The following ZFAT variants were observed in gnomAD, a reference collection of about 807,000 sequenced individuals.
ZFAT encodes the protein zinc finger and AT-hook domain containing, also known as zinc finger protein ZFAT.
A neutral mutation model predicts 117.7 loss-of-function variants in ZFAT; 64 were observed. The observed-to-expected ratio is 0.54, with a 90% confidence interval of 0.44 to 0.67. ZFAT has a LOEUF of 0.67. ZFAT is among the 30% of genes least tolerant of loss of function. ZFAT has a pLI of 0.00. For synonymous variants in ZFAT, 679 were observed against 615.0 expected, an observed-to-expected ratio of 1.10 and a Z score of -1.54; for missense variants, 1,433 against 1,584.5, an observed-to-expected ratio of 0.90 and a Z score of 1.62.
chr8:134,696,443 C>T lies in ZFAT; in HGVS notation c.19+16402G>A, dbSNP rs527802617. On this transcript the variant is annotated intron_variant, in intron 1 of 15. Coordinates refer to ENST00000377838, the MANE Select transcript of ZFAT (RefSeq NM_020863.4). ...TCGGGAGAATTACCTCGTAAACCTCCACCAAGGGCAGAGTAGGAGGGATGC... is the reference window on the plus strand; with the variant it reads ...TCGGGAGAATTACCTCGTAAACCTCTACCAAGGGCAGAGTAGGAGGGATGC... 3 of 985,624 alleles carry T rather than the reference C, an allele frequency of 3.0e-6. No homozygotes were observed. The African/African-American group carries it at 5.2e-5, about 17-fold the overall frequency. 61.1% of individuals were successfully genotyped at this position (985,624 alleles called of 1,614,324 possible).
At chr8:134,713,679 G>T (rs1363527787), upstream of ZFAT, among the ~76,000 whole-genome samples, 1 of 152,086 alleles carries the variant, frequency 6.6e-6, no homozygotes, top group African/African-American at 2.4e-5. Flanking sequence ...CACAGCCTTC[G>T]GCAGGCAGCT....
At chr8:134,705,961 G>T (rs1306282920) in intron 1 of ZFAT, among the ~76,000 whole-genome samples, 5 of 152,284 alleles carry the variant, frequency 3.3e-5, no homozygotes, top group African/African-American at 1.2e-4. Flanking sequence ...AATTAAGGGA[G>T]ATACCACTGC....
At chr8:134,777,088 C>T in the ZFAT span, among the ~76,000 whole-genome samples, 6 of 152,102 alleles carry the variant, frequency 3.9e-5, no homozygotes, top group South Asian at 2.1e-4. Context: ...AGTTCTGTAA[C>T]CTTGGGTAAA....
At chr8:134,766,208 A>G in the ZFAT span, 1 of 152,220 alleles carries the variant, frequency 6.6e-6, no homozygotes, top group Non-Finnish European at 1.5e-5. Context: ...ATCCTTTCTA[A>G]CATGACTGAA....
At chr8:134,718,560 A>G in the ZFAT span, among the ~76,000 whole-genome samples, 38 of 152,180 alleles carry the variant, frequency 2.5e-4, no homozygotes, top group African/African-American at 8.7e-4. Context: ...TAAATCAACT[A>G]TGAATAAGAG....
At chr8:134,825,258 G>A in the ZFAT span, among the ~76,000 whole-genome samples, 1 of 152,198 alleles carries the variant, frequency 6.6e-6, no homozygotes, top group African/African-American at 2.4e-5. Context: ...CCAGGGAAAA[G>A]GCATACAATG....
chr8:134,735,171 G>A, the ZFAT span, among the ~76,000 whole-genome samples: 1,782 of 152,240 alleles, frequency 0.012, 9 homozygotes, highest in Middle Eastern at 0.017. Flanking sequence ...AAAAATCTGG[G>A]TCCATGGATT....
intron 2 of ZFAT, among the ~76,000 whole-genome samples, chr8:134,657,351 A>ATTCT (rs1174109769): frequency 5.9e-5 from 9 of 152,202 alleles, no homozygotes; most frequent in African/African-American, 2.2e-4. Flanking sequence ...ACTTCCATTC[A>ATTCT]TTCTTTCATT....
intron 7 of ZFAT, among the ~76,000 whole-genome samples, chr8:134,592,691 C>G (rs79228229): frequency 1.7e-3 from 260 of 152,288 alleles, no homozygotes; most frequent in African/African-American, 6.0e-3. Flanking sequence ...TGCTATCATG[C>G]AACTCAGCCT....
At chr8:134,682,145 C>T (rs1448394608) in intron 1 of ZFAT, among the ~76,000 whole-genome samples, 2 of 152,162 alleles carry the variant, frequency 1.3e-5, no homozygotes, top group South Asian at 4.1e-4. Flanking sequence ...TGAGCTGGCA[C>T]CAGCAGAGGC....
At chr8:134,614,139 A>G (rs1302126874) in intron 3 of ZFAT, among the ~76,000 whole-genome samples, 2 of 152,176 alleles carry the variant, frequency 1.3e-5, no homozygotes, top group Non-Finnish European at 2.9e-5. Context: ...ACCCTTCATC[A>G]GGCTTCCTTC....
At chr8:134,507,622 G>A (rs1819511690) in intron 15 of ZFAT, among the ~76,000 whole-genome samples, 1 of 152,198 alleles carries the variant, frequency 6.6e-6, no homozygotes, top group Non-Finnish European at 1.5e-5. Flanking sequence ...ATGCTTATCT[G>A]CCTCATCCCT....
rs1036803882 is a variant in ZFAT, at chr8:134,507,304, C to G, written c.3492+2315G>C. Among the ~76,000 whole-genome samples the G allele has an allele frequency of 2.0e-5, 3 of 152,140 alleles. No individual in the cohort carries two copies. The South Asian group carries it at 6.2e-4, about 32-fold the overall frequency. The stretch of plus-strand genomic sequence containing the variant: ...GAGGGCATCCTTTCACCTGGGAGAG[C>G]CTGAAACACTTCATTTCCTTTGCTA... On this transcript the variant is annotated intron_variant, in intron 15 of 15. Transcript: ENST00000377838.
chr8:134,643,375 A>G (rs1830698199), intron 2 of ZFAT, among the ~76,000 whole-genome samples: 1 of 152,232 alleles, frequency 6.6e-6, no homozygotes, highest in African/African-American at 2.4e-5. Context: ...TTCTGCAGGA[A>G]AATGACGATA....
intron 5 of ZFAT, among the ~76,000 whole-genome samples, chr8:134,605,529 G>C (rs935837465): frequency 6.8e-6 from 1 of 146,586 alleles, no homozygotes; most frequent in African/African-American, 2.6e-5. Flanking sequence ...CCGGGAGACA[G>C]AGCCACAGAG....
intron 7 of ZFAT, among the ~76,000 whole-genome samples, chr8:134,596,183 T>TC (rs1340768616): frequency 6.6e-6 from 1 of 152,158 alleles, no homozygotes; most frequent in African/African-American, 2.4e-5. Context: ...CACATGGACA[T>TC]CCATAAGGCA....
At chr8:134,500,034 G>A (rs574703025) in intron 15 of ZFAT, among the ~76,000 whole-genome samples, 1 of 152,210 alleles carries the variant, frequency 6.6e-6, no homozygotes, top group African/African-American at 2.4e-5. Context: ...GGCAGGACAA[G>A]TCTACAGAGG....
chr8:134,599,185 G>A (rs1257794427), intron 7 of ZFAT: 1 of 152,250 alleles, frequency 6.6e-6, no homozygotes, highest in Non-Finnish European at 1.5e-5. Context: ...GAGACAGAAA[G>A]AAAAGGAAGG....
the ZFAT span, among the ~76,000 whole-genome samples, chr8:134,815,278 A>C: frequency 2.0e-5 from 3 of 152,228 alleles, no homozygotes; most frequent in Non-Finnish European, 2.9e-5. Context: ...ATTGCATAAC[A>C]AGTCTTAGTA....
Sources: allele counts gnomAD v4.1 joint callset (sites outside exome capture counted in the v4.1 genomes callset), GRCh38; gene constraint gnomAD v4.1.1; transcripts MANE v1.5; gene names NCBI Gene and HGNC (gene_info 2026-07-23, HGNC 2026-07-21).